Variants in CCDC186 observed in about 807,000 individuals in gnomAD.
CCDC186 encodes coiled-coil domain containing 186.
CCDC186 carries 49 observed loss-of-function variants against 113.7 expected under a neutral mutation model. The ratio of observed to expected loss-of-function variants is 0.43; its 90% confidence interval spans 0.34 to 0.55. CCDC186 has a LOEUF of 0.55. Among genes scored for constraint, CCDC186 ranks in the 20% least tolerant of loss-of-function variants. The probability of loss-of-function intolerance (pLI) is 0.02; values close to 1 mark genes in which losing one functional copy is unlikely to be tolerated. For synonymous variants in CCDC186, 355 were observed against 345.8 expected (o/e 1.03, Z -0.30); for missense variants, 890 against 1,011.1 (o/e 0.88, Z 1.62).
chr10:114,150,551 G>C (rs1476539562), intron 4 of CCDC186, among the ~76,000 whole-genome samples: 1 of 152,028 alleles, frequency 6.6e-6, no homozygotes, highest in Non-Finnish European at 1.5e-5. Flanking sequence ...AAGGATTGTA[G>C]GCAGGGGAAG....
At chr10:114,139,437 C>T (rs1195788618) in intron 6 of CCDC186, among the ~76,000 whole-genome samples, 1 of 151,858 alleles carries the variant, frequency 6.6e-6, no homozygotes, top group Non-Finnish European at 1.5e-5. Context: ...GTGGTGCATG[C>T]CTCTAATCCC....
intron 4 of CCDC186, among the ~76,000 whole-genome samples, chr10:114,147,027 G>A (rs1418681132): frequency 6.6e-6 from 1 of 152,180 alleles, no homozygotes; most frequent in Non-Finnish European, 1.5e-5. Flanking sequence ...CATTGCATTA[G>A]GGATATGATA....
intron 7 of CCDC186, 60 bp downstream of exon 7, chr10:114,137,126 A>T: frequency 1.5e-6 from 2 of 1,328,506 alleles, no homozygotes; most frequent in Non-Finnish European, 2.1e-6. Context: ...AAAAAAAGAA[A>T]AAGAGAGAAC....
Position 114,157,612 on chromosome 10 carries a change from C to T in CCDC186, c.701G>A (p.Arg234Lys). Residue 234 changes from arginine to lysine, a missense_variant, in exon 3 of 16, where the codon AGA becomes AAA. Transcript: ENST00000369287. ...VDICSEKDNL[R>K]EELKKRTETE... ...TTCTGTTCTTTTCTTTAGTTCTTCT[C>T]TTAAATTGTCTTTTTCTGAACAAAT... 2.5e-6 allele frequency: 4 copies of T among 1,610,522 alleles called. No individual in the cohort carries two copies. Among genetic ancestry groups the T allele is most frequent in the Non-Finnish European group, 3.4e-6 (4 of 1,178,596 alleles).
chr10:114,121,813 C>CT lies in CCDC186; in HGVS notation c.*3329dup, dbSNP rs1256119113. On this transcript the variant is annotated 3_prime_UTR_variant, in exon 16 of 16. Coordinates refer to ENST00000369287, the MANE Select transcript of CCDC186 (RefSeq NM_018017.4). ...TTGTCTCCTAGCTATTTTCTTTCCT[C>CT]TTTTTTTTTTGAGACAGGGTTTCAC... The CT allele has an allele frequency of 0.015, 2,270 of 148,986 alleles. 57 individuals are homozygous for CT. Among genetic ancestry groups the CT allele is most frequent in the African/African-American group, 0.05 (2,045 of 40,626 alleles). The allele number at this position is 148,986 out of a possible 1,614,324, so 9.2% of individuals were successfully genotyped here. A position where few individuals can be genotyped will look rare whatever the true frequency, so the allele number is the denominator to read the frequency against.
chr10:114,125,245 G>C lies in CCDC186; in HGVS notation c.2614-19C>G. ...GATTTTCCTTTAATAATTGGGGTGA[G>C]GGGAAAGGGAAGAGAAAAACAAAAG... is the stretch of plus-strand genomic sequence containing the variant. On this transcript the variant is annotated intron_variant, in intron 15 of 15. Coordinates refer to ENST00000369287, the MANE Select transcript of CCDC186 (RefSeq NM_018017.4). 6.5e-7 allele frequency: 1 copy of C among 1,541,034 alleles called. No homozygotes were observed. Among genetic ancestry groups the C allele is most frequent in the Non-Finnish European group, 8.9e-7 (1 of 1,123,162 alleles).
intron 1 of CCDC186, among the ~76,000 whole-genome samples, chr10:114,167,084 G>A (rs2032357830): frequency 6.8e-6 from 1 of 147,834 alleles, no homozygotes; most frequent in African/African-American, 2.5e-5. Context: ...GCAATGGCGC[G>A]ATCTCGGCTC....
At chr10:114,157,847 T>A (rs911041766) in intron 2 of CCDC186, among the ~76,000 whole-genome samples, 167 bp from the exon 3 acceptor site, 4 of 152,224 alleles carry the variant, frequency 2.6e-5, no homozygotes, top group African/African-American at 9.6e-5. Context: ...CATAATACTT[T>A]GCAAAAGATT....
intron 3 of CCDC186, among the ~76,000 whole-genome samples, chr10:114,154,407 GAATA>G (rs1486303072): frequency 6.6e-6 from 1 of 151,692 alleles, no homozygotes; most frequent in African/African-American, 2.4e-5. Context: ...AAAAATAATT[GAATA>G]AATAAATAGT....
chr10:114,136,910 A>T (rs747503305), intron 7 of CCDC186, among the ~76,000 whole-genome samples: 3 of 152,000 alleles, frequency 2.0e-5, no homozygotes, highest in Non-Finnish European at 2.9e-5. Context: ...CGAAGTCAGG[A>T]GTTCGAGACC....
Position 114,125,893 on chromosome 10 carries a change from G to A in CCDC186, c.2606C>T (p.Thr869Ile), listed in dbSNP as rs139639706. 6.2e-7 allele frequency: 1 copy of A among 1,613,126 alleles called. No individual in the cohort carries two copies. The highest frequency in any genetic ancestry group is 1.3e-5 in the African/African-American group (1 of 74,878). Residue 869 changes from threonine to isoleucine, a missense_variant, in exon 15 of 16, where the codon ACT (threonine) becomes ATT (isoleucine). Transcript: ENST00000369287. ...VLEDTLLKNI[T>I]LKENLQTLGT... ...AATGAGAAACACAAATACCTTCAAA[G>A]TAATATTTTTTAGTAACGTATCCTC...
chr10:114,151,883 T>TG (rs2031867546), intron 3 of CCDC186, among the ~76,000 whole-genome samples: 1 of 152,130 alleles, frequency 6.6e-6, no homozygotes, highest in Admixed American at 6.5e-5. Context: ...TTAAGTGAAA[T>TG]GGTGACTTGA....
intron 4 of CCDC186, among the ~76,000 whole-genome samples, chr10:114,148,434 G>GT (rs1461792589): frequency 1.3e-5 from 2 of 152,212 alleles, no homozygotes; most frequent in African/African-American, 4.8e-5. Flanking sequence ...TTTATCCACT[G>GT]TAAGTAAGAT....
intron 2 of CCDC186, among the ~76,000 whole-genome samples, chr10:114,160,269 CAA>C (rs78640501): frequency 7.9e-5 from 9 of 114,156 alleles, no homozygotes; most frequent in Non-Finnish European, 5.6e-5. Flanking sequence ...AACTCCACCT[CAA>C]AAAAAAAAAA....
Position 114,144,553 on chromosome 10 carries a change from C to T in CCDC186, c.1165G>A (p.Val389Ile), listed in dbSNP as rs201374071. 9.3e-6 allele frequency: 15 copies of T among 1,613,090 alleles called. No individual in the cohort carries two copies. The highest frequency in any genetic ancestry group is 4.5e-5 in the East Asian group (2 of 44,760). ...TTTTGTGCCCACTTTACTTTGATGA[C>T]GTGAGAGTTAATGTCTTCCTTTAAT... ...DKLKEDINSH[V>I]IKVKWAQNKL... The change falls in exon 6 of 16, where the codon GTC becomes ATC. Residue 389 changes from valine to isoleucine, a missense_variant. Physicochemically the swap from Val to Ile is conservative, Grantham distance 29. Coordinates refer to ENST00000369287, the MANE Select transcript of CCDC186 (RefSeq NM_018017.4).
rs1218182149 is a variant in CCDC186 at position 114,149,810 on chromosome 10, A to AAGGC, written c.888+1281_888+1282insGCCT. Among the ~76,000 whole-genome samples, 97 of 60,204 alleles carry AAGGC rather than the reference A, an allele frequency of 1.6e-3. 1 individual carries two copies. The highest frequency in any genetic ancestry group is 5.4e-3 in the African/African-American group (77 of 14,130). 39.5% of individuals were successfully genotyped at this position (60,204 alleles called of 152,430 possible). Reference sequence around the variant, plus strand: ...GCAGGAAGGAAGGAAGGAAGGAAGGAAGGAAGGCAGGAAGGCAGGAAGGCA... The same window carrying AAGGC: ...GCAGGAAGGAAGGAAGGAAGGAAGGAAGGCAGGAAGGCAGGAAGGCAGGAAGGCA... On this transcript the variant is annotated intron_variant, in intron 4 of 15. Transcript: ENST00000369287.
At position 114,174,180 on chromosome 10, in the gene CCDC186, C is replaced by A; in HGVS notation, c.-227G>T. The A allele has an allele frequency of 2.2e-6, 1 of 456,268 alleles. No individual in the cohort carries two copies. The highest frequency in any genetic ancestry group is 4.6e-6 in the Non-Finnish European group (1 of 218,818). The allele number at this position is 456,268 out of a possible 1,614,324, so 28.3% of individuals were successfully genotyped here. On this transcript the variant is annotated 5_prime_UTR_variant, in exon 1 of 16. Transcript: ENST00000369287. ...CAGCGGCCGTTTCCCCAAACCCCTG[C>A]GGAGCTGACACATCAACAAAGATGG...
chr10:114,149,574 G>GAAGGGAAGGA (rs2031756082), intron 4 of CCDC186, among the ~76,000 whole-genome samples: 1 of 15,182 alleles, frequency 6.6e-5, no homozygotes, highest in Non-Finnish European at 1.3e-4. Context: ...AAAGGGAAGG[G>GAAGGGAAGGA]AAGGGAAGGG....
At chr10:114,142,531 T>G (rs2031502809) in intron 6 of CCDC186, among the ~76,000 whole-genome samples, 1 of 152,236 alleles carries the variant, frequency 6.6e-6, no homozygotes, top group Non-Finnish European at 1.5e-5. Flanking sequence ...TCATCTTTAT[T>G]TACTGTACTC....
Sources: gnomAD v4.1 joint callset for allele counts (sites outside exome capture counted in the v4.1 genomes callset) on GRCh38, gnomAD v4.1.1 for gene constraint, MANE v1.5 for transcripts, NCBI Gene and HGNC (gene_info 2026-07-23, HGNC 2026-07-21) for gene names.